STARD13: variants seen among roughly 807,000 people sequenced by gnomAD.
STARD13 encodes the protein StAR related lipid transfer domain containing 13.
STARD13 carries 62 observed loss-of-function variants against 106.4 expected under a neutral mutation model. The observed-to-expected ratio is 0.58, with a 90% confidence interval of 0.48 to 0.72. STARD13 has a LOEUF of 0.72. Ranked by LOEUF, STARD13 falls within the 30% of genes least tolerant of loss-of-function variation. STARD13 has a pLI of 0.00. For synonymous variants in STARD13, 565 were observed against 553.0 expected (o/e 1.02, Z -0.31); for missense variants, 1,387 against 1,424.0 (o/e 0.97, Z 0.42).
At chr13:33,615,249 G>T in the STARD13 span, among the ~76,000 whole-genome samples, 1 of 152,216 alleles carries the variant, frequency 6.6e-6, no homozygotes, top group Non-Finnish European at 1.5e-5. Context: ...TTGAGGGTGG[G>T]AGTCAATTTG....
chr13:33,616,697 T>G, the STARD13 span, among the ~76,000 whole-genome samples: 5,822 of 152,310 alleles, frequency 0.038, 387 homozygotes, highest in African/African-American at 0.13. Context: ...GAAGATACAC[T>G]TCAGAAAAAG....
intron 1 of STARD13, among the ~76,000 whole-genome samples, chr13:33,320,199 T>A (rs1893503856): frequency 6.6e-6 from 1 of 152,220 alleles, no homozygotes; most frequent in Non-Finnish European, 1.5e-5. Context: ...TTATTTCTCC[T>A]GCTCCTTACA....
intron 1 of STARD13, among the ~76,000 whole-genome samples, chr13:33,321,954 A>T (rs1893576881): frequency 6.6e-6 from 1 of 152,216 alleles, no homozygotes; most frequent in Non-Finnish European, 1.5e-5. Flanking sequence ...TTTGTGCATC[A>T]GGCTAAGGCT....
At chr13:33,251,059 T>C (rs554523241) in intron 1 of STARD13, among the ~76,000 whole-genome samples, 1 of 152,236 alleles carries the variant, frequency 6.6e-6, no homozygotes, top group East Asian at 1.9e-4. Flanking sequence ...CAAGATAAGA[T>C]CAAGGAACAG....
intron 1 of STARD13, among the ~76,000 whole-genome samples, chr13:33,307,002 AACAG>A (rs1892934711): frequency 6.6e-6 from 1 of 152,160 alleles, no homozygotes; most frequent in Non-Finnish European, 1.5e-5. Flanking sequence ...AAAGGACATG[AACAG>A]ACATTTCTCA....
At chr13:33,342,778 T>C (rs13353087) in intron 1 of STARD13, among the ~76,000 whole-genome samples, 23,943 of 152,260 alleles carry the variant, frequency 0.16, 2,561 homozygotes, top group Non-Finnish European at 0.22. Context: ...AGCAGTACTA[T>C]TGTGATAGAA....
chr13:33,513,525 T>C, the STARD13 span, among the ~76,000 whole-genome samples: 1 of 152,174 alleles, frequency 6.6e-6, no homozygotes, highest in Non-Finnish European at 1.5e-5. Context: ...GGAAATCTTA[T>C]TTCCCTCTTG....
chr13:33,262,019 T>C (rs1890663820), intron 1 of STARD13, among the ~76,000 whole-genome samples: 1 of 152,190 alleles, frequency 6.6e-6, no homozygotes, highest in Non-Finnish European at 1.5e-5. Flanking sequence ...ATGAACAATC[T>C]GGATTGTGTT....
In STARD13 at chr13:33,278,500, T is replaced by G. The variant is rs1465436049; in HGVS notation, c.169+6970A>C. The G allele has an allele frequency of 5.3e-5, 8 of 151,910 alleles. No individual in the cohort carries two copies. In the East Asian group the frequency reaches 1.5e-3, roughly 29 times the overall value. 9.4% of individuals were successfully genotyped at this position (151,910 alleles called of 1,614,324 possible). On this transcript the variant is annotated intron_variant, in intron 1 of 13. Transcript: ENST00000336934. ...ACGCCCCCATTTCCACTGCAGGATGTTATAAGAAATGAGACTCACTACTGA... is the reference window on the plus strand; with the variant it reads ...ACGCCCCCATTTCCACTGCAGGATGGTATAAGAAATGAGACTCACTACTGA...
intron 3 of STARD13, among the ~76,000 whole-genome samples, chr13:33,149,777 G>T (rs1314255069): frequency 2.6e-5 from 4 of 152,174 alleles, no homozygotes; most frequent in African/African-American, 9.6e-5. Context: ...TTTAAGATCT[G>T]ACTGCCTCAA....
rs901784822 is a variant in STARD13 at position 33,191,313 on chromosome 13, C to T, written c.170-23691G>A. Reference sequence around the variant, plus strand: ...TTGTTACTGAAAGGTTAATTAACAACGTGGCTAGCTACTTGTATGACCTTG... The same window carrying T: ...TTGTTACTGAAAGGTTAATTAACAATGTGGCTAGCTACTTGTATGACCTTG... On this transcript the variant is annotated intron_variant, in intron 1 of 13. Transcript: ENST00000336934. Among the ~76,000 whole-genome samples the T allele has an allele frequency of 7.2e-5, 11 of 152,192 alleles. 1 individual carries two copies. The highest frequency in any genetic ancestry group is 7.2e-4 in the Admixed American group (11 of 15,274).
chr13:33,385,585 C>T, the STARD13 span, among the ~76,000 whole-genome samples: 5 of 150,774 alleles, frequency 3.3e-5, no homozygotes, highest in African/African-American at 9.7e-5. Context: ...CTTGGCTGGG[C>T]GCGGTGGCTC....
At chr13:33,526,815 AC>A in the STARD13 span, among the ~76,000 whole-genome samples, 5 of 152,144 alleles carry the variant, frequency 3.3e-5, no homozygotes, top group Non-Finnish European at 5.9e-5. Flanking sequence ...TTATGTTAGT[AC>A]GTGACAGGTA....
chr13:33,527,691 G>T, the STARD13 span, among the ~76,000 whole-genome samples: 5 of 151,638 alleles, frequency 3.3e-5, no homozygotes, highest in African/African-American at 9.7e-5. Flanking sequence ...ATACAGATAG[G>T]TAACCCCTTT....
the STARD13 span, among the ~76,000 whole-genome samples, chr13:33,490,627 G>A: frequency 1.3e-5 from 2 of 151,250 alleles, no homozygotes; most frequent in East Asian, 4.0e-4. Flanking sequence ...CCCAGCCCCC[G>A]CCCTTCCAGC....
chr13:33,398,084 A>C, the STARD13 span, among the ~76,000 whole-genome samples: 3 of 152,196 alleles, frequency 2.0e-5, no homozygotes, highest in Non-Finnish European at 2.9e-5. Flanking sequence ...CTGGGCAATA[A>C]ATGATCTTCT....
the STARD13 span, among the ~76,000 whole-genome samples, chr13:33,533,838 CT>C: frequency 6.6e-6 from 1 of 152,184 alleles, no homozygotes; most frequent in African/African-American, 2.4e-5. Context: ...ATGTTCAGCC[CT>C]TAACAAATGC....
chr13:33,669,292 T>C, the STARD13 span, among the ~76,000 whole-genome samples: 5,748 of 152,136 alleles, frequency 0.038, 175 homozygotes, highest in Non-Finnish European at 0.053. Context: ...CTCTACTAAG[T>C]AGATAAATGT....
chr13:33,322,847 A>C (rs1340305263), intron 1 of STARD13, among the ~76,000 whole-genome samples: 1 of 152,240 alleles, frequency 6.6e-6, no homozygotes, highest in Non-Finnish European at 1.5e-5. Context: ...TTTTTGAAAG[A>C]TACACAACCT....
Sources: allele counts gnomAD v4.1 joint callset (sites outside exome capture counted in the v4.1 genomes callset), GRCh38; gene constraint gnomAD v4.1.1; transcripts MANE v1.5; gene names NCBI Gene and HGNC (gene_info 2026-07-23, HGNC 2026-07-21).